The following HDAC4 variants were observed in gnomAD, a reference collection of about 807,000 sequenced individuals.
HDAC4 encodes the protein histone deacetylase 4.
In HDAC4, 16 loss-of-function variants were observed where a neutral mutation model predicts 135.1. The observed-to-expected ratio is 0.12, with a 90% CI of 0.08 to 0.18. The LOEUF is 0.18. HDAC4 is among the 10% of genes least tolerant of loss of function. The pLI is 1.00. For synonymous variants in HDAC4, 685 were observed against 653.4 expected, an observed-to-expected ratio of 1.05 and a Z score of -0.74; for missense variants, 1,143 against 1,511.8, an observed-to-expected ratio of 0.76 and a Z score of 4.05.
chr2:239,174,761 T>C (rs1559554453), intron 5 of HDAC4, among the ~76,000 whole-genome samples: 1 of 152,196 alleles, frequency 6.6e-6, no homozygotes, highest in Non-Finnish European at 1.5e-5. Flanking sequence ...ATGACTACAT[T>C]GGTGCATTTA....
chr2:239,193,122 G>A (rs968119426), intron 3 of HDAC4, among the ~76,000 whole-genome samples: 2 of 152,182 alleles, frequency 1.3e-5, no homozygotes, highest in Non-Finnish European at 2.9e-5. Flanking sequence ...CCCTGTGTGG[G>A]GGGCCTGGGT....
intron 1 of HDAC4, among the ~76,000 whole-genome samples, chr2:239,399,070 T>C (rs935121047): frequency 9.2e-5 from 14 of 152,232 alleles, no homozygotes; most frequent in Non-Finnish European, 2.1e-4. Flanking sequence ...CCCACACAAA[T>C]GTGAGTTCTT....
chr2:239,280,723 G>A (rs2050659267), intron 2 of HDAC4, among the ~76,000 whole-genome samples: 1 of 152,002 alleles, frequency 6.6e-6, no homozygotes, highest in Non-Finnish European at 1.5e-5. Flanking sequence ...TCCAAGTCTT[G>A]TCCCCATGCA....
chr2:239,177,234 G>A (rs894966159), intron 4 of HDAC4, among the ~76,000 whole-genome samples: 2 of 152,216 alleles, frequency 1.3e-5, no homozygotes, highest in African/African-American at 2.4e-5. Flanking sequence ...AGAGAGAAGA[G>A]GCAAGACTGA....
At chr2:239,346,586 C>T (rs1431937393) in intron 2 of HDAC4, among the ~76,000 whole-genome samples, 1 of 147,062 alleles carries the variant, frequency 6.8e-6, no homozygotes, top group Non-Finnish European at 1.5e-5. Context: ...CAGACCATAA[C>T]ACACACACCT....
At chr2:239,291,564 T>C (rs1190064871) in intron 2 of HDAC4, among the ~76,000 whole-genome samples, 4 of 152,216 alleles carry the variant, frequency 2.6e-5, no homozygotes, top group Non-Finnish European at 5.9e-5. Flanking sequence ...TGGGTGTCAA[T>C]GCGCAGCAAC....
intron 2 of HDAC4, among the ~76,000 whole-genome samples, chr2:239,257,127 G>C (rs2049093025): frequency 6.6e-6 from 1 of 151,836 alleles, no homozygotes; most frequent in Admixed American, 6.6e-5. Flanking sequence ...ATTTCAAATT[G>C]CCTGATTTTC....
chr2:239,109,174 C>A (rs2038439716), intron 14 of HDAC4, among the ~76,000 whole-genome samples: 1 of 152,228 alleles, frequency 6.6e-6, no homozygotes, highest in African/African-American at 2.4e-5. Flanking sequence ...GCTGCACACA[C>A]CTGGTCTTCC....
intron 24 of HDAC4, chr2:239,055,046 G>C (rs2031591190): frequency 6.2e-6 from 3 of 486,110 alleles, no homozygotes; most frequent in Non-Finnish European, 1.1e-5. Flanking sequence ...GACGCTATAA[G>C]ATATTTGTGG....
intron 1 of HDAC4, among the ~76,000 whole-genome samples, chr2:239,360,465 AC>A (rs1387876528): frequency 6.6e-6 from 1 of 152,102 alleles, no homozygotes; most frequent in Non-Finnish European, 1.5e-5. Flanking sequence ...CTGCAGCAGG[AC>A]CCCAAGCTGT....
chr2:239,106,822 C>T (rs1413346780), intron 15 of HDAC4, among the ~76,000 whole-genome samples: 3 of 152,308 alleles, frequency 2.0e-5, no homozygotes, highest in African/African-American at 4.8e-5. Flanking sequence ...GCCAGCTCCA[C>T]GTGCTCACTC....
At chr2:239,162,949 C>T (rs907282393) in intron 6 of HDAC4, among the ~76,000 whole-genome samples, 4 of 152,100 alleles carry the variant, frequency 2.6e-5, no homozygotes, top group Non-Finnish European at 5.9e-5. Context: ...CAAAAACTCC[C>T]TTATGGGATT....
At chr2:239,368,569 G>A (rs891022942) in intron 1 of HDAC4, among the ~76,000 whole-genome samples, 3 of 152,088 alleles carry the variant, frequency 2.0e-5, no homozygotes, top group South Asian at 2.1e-4. Flanking sequence ...GGGATAACAG[G>A]GGGGTACAAG....
intron 6 of HDAC4, among the ~76,000 whole-genome samples, chr2:239,158,890 C>T (rs2042596294): frequency 2.0e-5 from 3 of 152,058 alleles, no homozygotes; most frequent in Admixed American, 2.0e-4. Flanking sequence ...GCTGCAATCA[C>T]ACCCGCACCG....
At position 239,181,502 on chromosome 2, in the gene HDAC4, C is replaced by T. The variant is rs1016128630; in HGVS notation, c.340-4939G>A. On this transcript the variant is annotated intron_variant, in intron 4 of 26. Coordinates refer to ENST00000543185, the MANE Select transcript of HDAC4 (RefSeq NM_001378414.1). The stretch of plus-strand genomic sequence containing the variant: ...TAGCTGCACACACCAAGCATCTCAC[C>T]TGTATCTTTCCCATGGCAAAAACTT... Among the ~76,000 whole-genome samples the T allele has an allele frequency of 3.9e-5, 6 of 152,386 alleles. No homozygotes were observed. The East Asian group carries it at 7.7e-4, about 20-fold the overall frequency.
chr2:239,067,173 C>A (rs957928563), intron 23 of HDAC4, among the ~76,000 whole-genome samples: 1 of 152,242 alleles, frequency 6.6e-6, no homozygotes, highest in Non-Finnish European at 1.5e-5. Context: ...GGGGCTATGG[C>A]CATGCTCTTG....
chr2:239,181,170 G>A (rs779986842), intron 4 of HDAC4, among the ~76,000 whole-genome samples: 2 of 152,328 alleles, frequency 1.3e-5, no homozygotes, highest in Non-Finnish European at 2.9e-5. Context: ...CCACAAACAC[G>A]CCCACCCACC....
intron 4 of HDAC4, among the ~76,000 whole-genome samples, chr2:239,178,047 C>T (rs1168605760): frequency 6.6e-6 from 1 of 152,220 alleles, no homozygotes; most frequent in East Asian, 1.9e-4. Context: ...TGGCTCCGCT[C>T]TCGTTCGCAT....
intron 22 of HDAC4, chr2:239,080,799 C>T (rs1040929157): frequency 6.3e-5 from 30 of 479,054 alleles, no homozygotes; most frequent in Non-Finnish European, 1.1e-4. Context: ...GAACATAACA[C>T]TCTGCACAAA....
Sources: allele counts gnomAD v4.1 joint callset (sites outside exome capture counted in the v4.1 genomes callset), GRCh38; gene constraint gnomAD v4.1.1; transcripts MANE v1.5; gene names NCBI Gene and HGNC (gene_info 2026-07-23, HGNC 2026-07-21).